Variants in GPR63 observed in about 807,000 individuals in gnomAD.
GPR63 encodes probable G protein-coupled receptor 63.
GPR63 carries 12 observed loss-of-function variants against 23.1 expected under a neutral mutation model. The ratio of observed to expected loss-of-function variants is 0.52; its 90% confidence interval spans 0.33 to 0.84. GPR63 has a LOEUF of 0.84. GPR63 is among the 40% of genes least tolerant of loss of function. The pLI is 0.02. For synonymous variants in GPR63, 172 were observed against 191.1 expected, an observed-to-expected ratio of 0.90 and a Z score of 0.82; for missense variants, 472 against 515.6, an observed-to-expected ratio of 0.92 and a Z score of 0.82.
At chr6:96,824,010 C>T (rs563370332) in intron 1 of GPR63, among the ~76,000 whole-genome samples, 15 of 151,716 alleles carry the variant, frequency 9.9e-5, no homozygotes, top group African/African-American at 3.6e-4. Context: ...TTTATGTGTA[C>T]ATGTTTTCTT....
chr6:96,810,497 GA>G (rs5878448), intron 1 of GPR63, among the ~76,000 whole-genome samples: 7,719 of 126,622 alleles, frequency 0.061, 245 homozygotes, highest in African/African-American at 0.11. Context: ...TCCGTCCCAG[GA>G]AAAAAAAAAA....
chr6:96,822,265 T>A (rs560362534), intron 1 of GPR63, among the ~76,000 whole-genome samples: 2 of 152,276 alleles, frequency 1.3e-5, no homozygotes, highest in Non-Finnish European at 2.9e-5. Flanking sequence ...AAAATAGGAT[T>A]GGTGAAGAGC....
At chr6:96,809,099 A>C (rs1317160746) in intron 1 of GPR63, among the ~76,000 whole-genome samples, 1 of 151,770 alleles carries the variant, frequency 6.6e-6, no homozygotes, top group Non-Finnish European at 1.5e-5. Flanking sequence ...CTACACTGAA[A>C]ATTTTCAAAA....
chr6:96,830,450 AATG>A (rs1227859054), intron 1 of GPR63, among the ~76,000 whole-genome samples: 5 of 152,198 alleles, frequency 3.3e-5, no homozygotes, highest in Admixed American at 6.5e-5. Flanking sequence ...TAAAAAGGAA[AATG>A]ATACTTACTT....
At chr6:96,799,912 A>C in intron 1 of GPR63, 31 bp from the exon 2 acceptor site, 1 of 626,162 alleles carries the variant, frequency 1.6e-6, no homozygotes, top group Non-Finnish European at 2.9e-6. Context: ...CAAAAAGTAA[A>C]TGAGAAATGA....
intron 1 of GPR63, among the ~76,000 whole-genome samples, chr6:96,834,550 T>C (rs1279242862): frequency 6.7e-6 from 1 of 149,860 alleles, no homozygotes; most frequent in Non-Finnish European, 1.5e-5. Flanking sequence ...ATCCTAAATA[T>C]ACATATGTCA....
At position 96,798,049 on chromosome 6, in the gene GPR63, G is replaced by A. The variant is rs1773637538; in HGVS notation, c.*423C>T. On this transcript the variant is annotated 3_prime_UTR_variant, in exon 2 of 2. Coordinates refer to ENST00000229955, the MANE Select transcript of GPR63 (RefSeq NM_030784.4). ...AAATATATATTGATTGAGATGTTTG[G>A]CTCCAATGTGATGGTAAAAGCAGCA... 6.3e-6 allele frequency: 1 copy of A among 158,902 alleles called. No homozygotes were observed. Among genetic ancestry groups the A allele is most frequent in the Admixed American group, 6.0e-5 (1 of 16,590 alleles). 9.8% of individuals were successfully genotyped at this position (158,902 alleles called of 1,614,324 possible).
chr6:96,794,508 CTG>C lies in GPR63; in HGVS notation c.*3962_*3963del, dbSNP rs1041414543. ...AAATGTCAAGCAAGTGAAAACTTTTCTGTGATATATACAGAAATGATACATAT... is the reference window on the plus strand; with the variant it reads ...AAATGTCAAGCAAGTGAAAACTTTTCTGATATATACAGAAATGATACATAT... On this transcript the variant is annotated 3_prime_UTR_variant, in exon 2 of 2. Transcript: ENST00000229955. 3.3e-5 allele frequency: 5 copies of C among 152,028 alleles called. No individual in the cohort carries two copies. Among genetic ancestry groups the C allele is most frequent in the African/African-American group, 9.7e-5 (4 of 41,396 alleles). 9.4% of individuals were successfully genotyped at this position (152,028 alleles called of 1,614,324 possible).
At chr6:96,828,438 G>A (rs371720383) in intron 1 of GPR63, among the ~76,000 whole-genome samples, 48 of 151,716 alleles carry the variant, frequency 3.2e-4, no homozygotes, top group Non-Finnish European at 4.3e-4. Flanking sequence ...ATTCAATTCC[G>A]TAATAGAAGG....
chr6:96,832,789 C>T (rs1333263236), intron 1 of GPR63, among the ~76,000 whole-genome samples: 1 of 137,400 alleles, frequency 7.3e-6, no homozygotes, highest in Non-Finnish European at 1.6e-5. Flanking sequence ...AACTTAAATA[C>T]AAGTTAAAAA....
At chr6:96,825,902 C>T (rs1774427645) in intron 1 of GPR63, among the ~76,000 whole-genome samples, 1 of 151,792 alleles carries the variant, frequency 6.6e-6, no homozygotes, top group Non-Finnish European at 1.5e-5. Flanking sequence ...TCAACTCTTT[C>T]TAGTAACTAA....
At chr6:96,836,569 G>C (rs972454421) in intron 1 of GPR63, among the ~76,000 whole-genome samples, 1 of 151,440 alleles carries the variant, frequency 6.6e-6, no homozygotes, top group African/African-American at 2.4e-5. Flanking sequence ...GCAAGCCCTG[G>C]GGGAAATTTT....
In GPR63 at chr6:96,819,169, G is replaced by A. The variant is rs528068042; in HGVS notation, c.-151+18099C>T. ...TTTGACCCAGCAATCCCACTACTGG[G>A]TATATACCCAAAGGATTATAAATTA... is the stretch of plus-strand genomic sequence containing the variant. On this transcript the variant is annotated intron_variant, in intron 1 of 1. Coordinates refer to ENST00000229955, the MANE Select transcript of GPR63 (RefSeq NM_030784.4). 2.6e-5 allele frequency among the ~76,000 whole-genome samples: 4 copies of A among 152,106 alleles called. No individual in the cohort carries two copies. The South Asian group carries it at 8.3e-4, about 32-fold the overall frequency.
At chr6:96,810,453 C>G (rs1354686659) in intron 1 of GPR63, among the ~76,000 whole-genome samples, 1 of 151,116 alleles carries the variant, frequency 6.6e-6, no homozygotes, top group African/African-American at 2.4e-5. Flanking sequence ...TGAGATCATG[C>G]CACTGCACTC....
chr6:96,803,887 T>C (rs1773832822), intron 1 of GPR63, among the ~76,000 whole-genome samples: 1 of 152,250 alleles, frequency 6.6e-6, no homozygotes, highest in Admixed American at 6.5e-5. Context: ...AGTCTTTATT[T>C]GCCATTTGTT....
intron 1 of GPR63, among the ~76,000 whole-genome samples, chr6:96,829,896 A>C (rs1774536006): frequency 6.6e-6 from 1 of 152,184 alleles, no homozygotes; most frequent in Non-Finnish European, 1.5e-5. Flanking sequence ...AAATATATAA[A>C]TATTTTCAAA....
intron 1 of GPR63, among the ~76,000 whole-genome samples, chr6:96,812,693 TTTC>T (rs1325278698): frequency 6.6e-6 from 1 of 152,136 alleles, no homozygotes; most frequent in African/African-American, 2.4e-5. Context: ...CCTACTTCTA[TTTC>T]TTTTTATTTT....
intron 1 of GPR63, among the ~76,000 whole-genome samples, chr6:96,807,326 CT>C (rs202218610): frequency 0.033 from 4,977 of 152,352 alleles, 128 homozygotes; most frequent in Middle Eastern, 0.068. Flanking sequence ...CCAGATCAAT[CT>C]GGCTATAGCC....
chr6:96,808,337 T>A (rs1352815037), intron 1 of GPR63, among the ~76,000 whole-genome samples: 1 of 152,162 alleles, frequency 6.6e-6, no homozygotes, highest in Non-Finnish European at 1.5e-5. Flanking sequence ...AAAAAGAATC[T>A]TAACAGTGCT....
Sources: allele counts gnomAD v4.1 joint callset (sites outside exome capture counted in the v4.1 genomes callset), GRCh38; gene constraint gnomAD v4.1.1; transcripts MANE v1.5; gene names NCBI Gene and HGNC (gene_info 2026-07-23, HGNC 2026-07-21).